Variants in LDLRAD4 observed in about 807,000 individuals in gnomAD.
LDLRAD4 encodes low-density lipoprotein receptor class A domain-containing protein 4.
Under a neutral mutation model 17.0 loss-of-function variants are expected in LDLRAD4, and 5 were observed. The observed-to-expected ratio is 0.29, with a 90% CI of 0.15 to 0.62. LDLRAD4 has a LOEUF of 0.62. Among genes scored for constraint, LDLRAD4 ranks in the 20% least tolerant of loss-of-function variants. The probability of loss-of-function intolerance (pLI) is 0.84; values close to 1 mark genes in which losing one functional copy is unlikely to be tolerated. For missense variants in LDLRAD4, 340 were observed against 424.7 expected, an observed-to-expected ratio of 0.80 and a Z score of 1.75; for synonymous variants, 168 against 171.8, an observed-to-expected ratio of 0.98 and a Z score of 0.17.
intron 3 of LDLRAD4, among the ~76,000 whole-genome samples, chr18:13,597,975 A>T (rs2095115643): frequency 6.6e-6 from 1 of 152,186 alleles, no homozygotes; most frequent in Non-Finnish European, 1.5e-5. Flanking sequence ...CTTTGAACAT[A>T]CTTGTAATGG....
At chr18:13,230,391 G>A (rs1044848138) in intron 1 of LDLRAD4, among the ~76,000 whole-genome samples, 3 of 152,210 alleles carry the variant, frequency 2.0e-5, no homozygotes, top group Non-Finnish European at 4.4e-5. Flanking sequence ...AACAGGGAAA[G>A]AGTAATCTAG....
intron 3 of LDLRAD4, among the ~76,000 whole-genome samples, chr18:13,541,590 G>A (rs916877578): frequency 5.3e-5 from 8 of 152,274 alleles, no homozygotes; most frequent in Middle Eastern, 3.4e-3. Context: ...TGGTTCTGGT[G>A]TTCTGCACTC....
chr18:13,365,047 C>T (rs2083953664), intron 1 of LDLRAD4, among the ~76,000 whole-genome samples: 1 of 152,160 alleles, frequency 6.6e-6, no homozygotes, highest in South Asian at 2.1e-4. Flanking sequence ...AAAGCAGCTG[C>T]TCAGGCCGTG....
chr18:13,414,005 A>G (rs1442847280), intron 2 of LDLRAD4, among the ~76,000 whole-genome samples: 3 of 152,370 alleles, frequency 2.0e-5, no homozygotes, highest in South Asian at 2.1e-4. Context: ...TGATCATTAA[A>G]TAAGTGGATG....
chr18:13,609,111 G>A (rs903499347), intron 3 of LDLRAD4, among the ~76,000 whole-genome samples: 3 of 152,206 alleles, frequency 2.0e-5, no homozygotes, highest in East Asian at 1.9e-4. Context: ...AGAGAGTGCC[G>A]AATGCAAATG....
chr18:13,415,266 A>G lies in LDLRAD4; in HGVS notation c.41-22978A>G, dbSNP rs182347767. ...AGGTTTCCAAAACACACAGTCTCTT[A>G]TGACCTGAGAAAGGTCTCTCATTTG... On this transcript the variant is annotated intron_variant, in intron 2 of 5. Transcript: ENST00000359446. Among the ~76,000 whole-genome samples the G allele has an allele frequency of 4.1e-4, 62 of 152,334 alleles. 1 individual carries two copies. The highest frequency in any genetic ancestry group is 6.5e-4 in the Non-Finnish European group (44 of 68,038).
intron 1 of LDLRAD4, among the ~76,000 whole-genome samples, chr18:13,257,101 C>T (rs2043547440): frequency 1.3e-5 from 2 of 152,318 alleles, no homozygotes; most frequent in Middle Eastern, 3.4e-3. Context: ...CCAGTTAAAA[C>T]GTTTCTGCCA....
rs79243732 is a variant in LDLRAD4, at chr18:13,603,387, G to C, written c.182-17730G>C. ...CTTGTTGATCAGGAGCCTTCTGAAG[G>C]GTGGTCCTCGGATCGGCCACATTTA... On this transcript the variant is annotated intron_variant, in intron 3 of 5. Coordinates refer to ENST00000359446, the Ensembl canonical transcript of LDLRAD4. Among the ~76,000 whole-genome samples the C allele has an allele frequency of 4.6e-5, 7 of 152,278 alleles. No homozygotes were observed. In the South Asian group the frequency reaches 1.2e-3, roughly 27 times the overall value.
At chr18:13,339,812 A>G (rs996341506) in intron 1 of LDLRAD4, among the ~76,000 whole-genome samples, 4 of 152,204 alleles carry the variant, frequency 2.6e-5, no homozygotes, top group Admixed American at 1.3e-4. Context: ...GACAGTTTTA[A>G]TAATTTTTAA....
chr18:13,248,242 C>T (rs1338088449), intron 1 of LDLRAD4, among the ~76,000 whole-genome samples: 5 of 152,214 alleles, frequency 3.3e-5, no homozygotes, highest in East Asian at 1.9e-4. Flanking sequence ...ACTACAGGCG[C>T]GAGCCACCGC....
At chr18:13,342,603 GT>G (rs1342979349) in intron 1 of LDLRAD4, among the ~76,000 whole-genome samples, 1 of 144,102 alleles carries the variant, frequency 6.9e-6, no homozygotes, top group Non-Finnish European at 1.5e-5. Flanking sequence ...CCTTATAATA[GT>G]TTTTTAACTT....
intron 2 of LDLRAD4, among the ~76,000 whole-genome samples, chr18:13,392,288 T>G (rs2086334824): frequency 6.6e-6 from 1 of 152,260 alleles, no homozygotes; most frequent in African/African-American, 2.4e-5. Context: ...CATGCGGCTC[T>G]AAAGGCCGCC....
intron 1 of LDLRAD4, among the ~76,000 whole-genome samples, chr18:13,323,195 C>T (rs1374658671): frequency 6.6e-6 from 1 of 152,194 alleles, no homozygotes; most frequent in Non-Finnish European, 1.5e-5. Context: ...GGTCTTTATC[C>T]ATTTCACTTT....
chr18:13,225,091 C>T (rs558595869), intron 1 of LDLRAD4, among the ~76,000 whole-genome samples: 1 of 152,218 alleles, frequency 6.6e-6, no homozygotes, highest in East Asian at 1.9e-4. Flanking sequence ...CCGCCTCAGC[C>T]TCCCAAAGTG....
In LDLRAD4 at chr18:13,362,244, T is replaced by C. The variant is rs2083725382; in HGVS notation, c.-382-25097T>C. On this transcript the variant is annotated intron_variant, in intron 1 of 5. Transcript: ENST00000359446. Reference sequence around the variant, plus strand: ...TTGGATGGCTATTCTAGTCTGATAGTCTGTCAGTGTGGACTGAAACCTCTC... The same window carrying C: ...TTGGATGGCTATTCTAGTCTGATAGCCTGTCAGTGTGGACTGAAACCTCTC... 2.6e-5 allele frequency: 4 copies of C among 152,246 alleles called. No homozygotes were observed. The South Asian group carries it at 8.3e-4, about 31-fold the overall frequency. The allele number at this position is 152,246 out of a possible 1,614,324, so 9.4% of individuals were successfully genotyped here.
intron 1 of LDLRAD4, among the ~76,000 whole-genome samples, chr18:13,272,951 TGAGA>T (rs1237296156): frequency 6.6e-6 from 1 of 152,074 alleles, no homozygotes; most frequent in Non-Finnish European, 1.5e-5. Context: ...TGTAGTCCTG[TGAGA>T]GAGAGAGAAG....
chr18:13,417,986 C>T (rs1414452911), intron 2 of LDLRAD4, among the ~76,000 whole-genome samples: 3 of 152,156 alleles, frequency 2.0e-5, no homozygotes, highest in South Asian at 2.1e-4. Context: ...AGTGAGGACC[C>T]GGAGGTGGGA....
chr18:13,497,646 G>T (rs146426026), intron 3 of LDLRAD4, among the ~76,000 whole-genome samples: 1 of 152,188 alleles, frequency 6.6e-6, no homozygotes, highest in Non-Finnish European at 1.5e-5. Flanking sequence ...AGGTGCAAGT[G>T]GCTTTCATGC....
intron 3 of LDLRAD4, among the ~76,000 whole-genome samples, chr18:13,446,670 G>A (rs1305084350): frequency 6.6e-6 from 1 of 152,234 alleles, no homozygotes; most frequent in African/African-American, 2.4e-5. Flanking sequence ...TCAGGAGGAT[G>A]GAGATGATGA....
Sources: gnomAD v4.1 joint callset for allele counts (sites outside exome capture counted in the v4.1 genomes callset) on GRCh38, gnomAD v4.1.1 for gene constraint, MANE v1.5 for transcripts, NCBI Gene and HGNC (gene_info 2026-07-23, HGNC 2026-07-21) for gene names.